The following THSD7A variants were observed in gnomAD, a reference collection of about 807,000 sequenced individuals.
THSD7A encodes the protein thrombospondin type-1 domain-containing protein 7A.
A neutral mutation model predicts 231.3 loss-of-function variants in THSD7A; 96 were observed. The ratio of observed to expected loss-of-function variants is 0.41; its 90% CI spans 0.35 to 0.49. The LOEUF (loss-of-function observed/expected upper bound fraction) is 0.49, where lower values mean the gene tolerates loss of function less well. Among genes scored for constraint, THSD7A ranks in the 20% least tolerant of loss-of-function variants. The pLI, the probability that THSD7A is intolerant of heterozygous loss-of-function variation, is 0.05. For synonymous variants in THSD7A, 940 were observed against 743.3 expected (o/e 1.26, Z -4.30); for missense variants, 2,290 against 2,070.2 (o/e 1.11, Z -2.06).
chr7:11,474,605 T>C lies in THSD7A; in HGVS notation c.2018-37A>G. The C allele has an allele frequency of 6.6e-7, 1 of 1,524,772 alleles. No individual in the cohort carries two copies. Among genetic ancestry groups the C allele is most frequent in the Admixed American group, 1.8e-5 (1 of 56,362 alleles). The allele number at this position is 1,524,772 out of a possible 1,614,324, so 94.5% of individuals were successfully genotyped here. A position where few individuals can be genotyped will look rare whatever the true frequency, so the allele number is the denominator to read the frequency against. On this transcript the variant is annotated intron_variant, in intron 7 of 27. Transcript: ENST00000423059. This position sits in a 1 kb window ranked among gnomAD's most constrained non-coding sequence, Gnocchi z 4.1. ...GACAATGATAGCAAATTAGATACGG[T>C]GCCAACAGGAACCTTACCATACTCT... is the stretch of plus-strand genomic sequence containing the variant.
chr7:11,384,670 C>G (rs1420892164), intron 23 of THSD7A: 3 of 151,964 alleles, frequency 2.0e-5, no homozygotes, highest in African/African-American at 7.2e-5. Context: ...CGTGGAGATT[C>G]TCTTTTCTAT....
intron 1 of THSD7A, among the ~76,000 whole-genome samples, chr7:11,818,978 G>A (rs1167482560): frequency 4.6e-5 from 7 of 151,962 alleles, no homozygotes; most frequent in Non-Finnish European, 8.8e-5. Context: ...TTTGAACTCC[G>A]CCAGCTAAGA....
intron 13 of THSD7A, among the ~76,000 whole-genome samples, chr7:11,432,853 A>G (rs1398469372): frequency 6.6e-6 from 1 of 151,954 alleles, no homozygotes; most frequent in Non-Finnish European, 1.5e-5. Flanking sequence ...GATAAATTGG[A>G]TGGTATGTAT....
At chr7:11,484,749 C>G (rs1453831122) in intron 6 of THSD7A, among the ~76,000 whole-genome samples, 1 of 151,904 alleles carries the variant, frequency 6.6e-6, no homozygotes, top group African/African-American at 2.4e-5. Flanking sequence ...CACAGTATTT[C>G]TTGTCATGCA....
intron 1 of THSD7A, among the ~76,000 whole-genome samples, chr7:11,741,761 T>C (rs918055522): frequency 2.0e-5 from 3 of 151,944 alleles, no homozygotes; most frequent in Non-Finnish European, 4.4e-5. Flanking sequence ...ACAAAGAATA[T>C]AGTTAATAAA....
At chr7:11,677,942 G>C (rs960294671) in intron 1 of THSD7A, among the ~76,000 whole-genome samples, 6 of 152,050 alleles carry the variant, frequency 3.9e-5, no homozygotes, top group Admixed American at 2.6e-4. Context: ...CACATAATTG[G>C]AAGTAAAACA....
At chr7:11,548,191 C>T (rs1228987128) in intron 4 of THSD7A, among the ~76,000 whole-genome samples, 9 of 152,040 alleles carry the variant, frequency 5.9e-5, no homozygotes, top group Non-Finnish European at 1.3e-4. Flanking sequence ...CCAGTGACCC[C>T]ACAGAAATAC....
chr7:11,674,382 G>A (rs529557604), intron 1 of THSD7A, among the ~76,000 whole-genome samples: 2 of 152,266 alleles, frequency 1.3e-5, no homozygotes, highest in African/African-American at 4.8e-5. Flanking sequence ...CTGAAGATGA[G>A]CATAAGCTTG....
chr7:11,466,373 T>C (rs1785705418), intron 9 of THSD7A, among the ~76,000 whole-genome samples: 5 of 152,146 alleles, frequency 3.3e-5, no homozygotes, highest in Admixed American at 2.6e-4. Flanking sequence ...AAAACTAACC[T>C]CATGCCATTT....
chr7:11,662,162 G>T (rs1421688763), intron 1 of THSD7A, among the ~76,000 whole-genome samples: 1 of 151,132 alleles, frequency 6.6e-6, no homozygotes, highest in Non-Finnish European at 1.5e-5. Context: ...AATATCCCAG[G>T]TGGTCAGATA....
chr7:11,498,106 G>A (rs1219938221), intron 6 of THSD7A, among the ~76,000 whole-genome samples: 1 of 152,170 alleles, frequency 6.6e-6, no homozygotes, highest in Non-Finnish European at 1.5e-5. Context: ...CTCCATCAAA[G>A]TGGGAGCTTA....
At chr7:11,654,861 A>G (rs190957487) in intron 1 of THSD7A, among the ~76,000 whole-genome samples, 1 of 152,048 alleles carries the variant, frequency 6.6e-6, no homozygotes, top group Admixed American at 6.6e-5. Flanking sequence ...TGGTTTACTG[A>G]GTAGTTGGTT....
At chr7:11,389,046 G>C (rs972273852) in intron 23 of THSD7A, among the ~76,000 whole-genome samples, 1 of 152,054 alleles carries the variant, frequency 6.6e-6, no homozygotes, top group Non-Finnish European at 1.5e-5. Flanking sequence ...ATTAGAATAA[G>C]TGTGATGTGG....
chr7:11,405,388 A>G (rs1254930503), intron 22 of THSD7A, among the ~76,000 whole-genome samples: 2 of 152,304 alleles, frequency 1.3e-5, no homozygotes, highest in Non-Finnish European at 2.9e-5. Flanking sequence ...TTCAAAAGAA[A>G]ATATTGTGAA....
chr7:11,467,398 G>A (rs1785754026), intron 9 of THSD7A, among the ~76,000 whole-genome samples: 1 of 152,074 alleles, frequency 6.6e-6, no homozygotes, highest in Non-Finnish European at 1.5e-5. Context: ...TATGTTAAAT[G>A]CAATTAAAAG....
At chr7:11,778,617 CAAAT>C (rs566210766) in intron 1 of THSD7A, among the ~76,000 whole-genome samples, 151 of 152,114 alleles carry the variant, frequency 9.9e-4, no homozygotes, top group African/African-American at 3.0e-3. Flanking sequence ...TTCTTATAAA[CAAAT>C]AAAACACTTT....
chr7:11,816,745 T>C (rs919926370), intron 1 of THSD7A, among the ~76,000 whole-genome samples: 1 of 152,098 alleles, frequency 6.6e-6, no homozygotes, highest in Non-Finnish European at 1.5e-5. Context: ...GAAAAAAGTG[T>C]ATAATTGCAC....
intron 17 of THSD7A, among the ~76,000 whole-genome samples, chr7:11,414,760 C>G (rs929709690): frequency 6.6e-6 from 1 of 152,192 alleles, no homozygotes; most frequent in Non-Finnish European, 1.5e-5. Context: ...CTTCCTCCTC[C>G]CCTGCTTCCG....
chr7:11,430,904 G>A (rs1459161779), intron 13 of THSD7A, among the ~76,000 whole-genome samples: 1 of 152,102 alleles, frequency 6.6e-6, no homozygotes, highest in Non-Finnish European at 1.5e-5. Flanking sequence ...TCAGTTAATG[G>A]ACATTTGAGT....
Sources: gnomAD v4.1 joint callset for allele counts (sites outside exome capture counted in the v4.1 genomes callset) on GRCh38, gnomAD v4.1.1 for gene constraint, Gnocchi (gnomAD v3.1) non-coding constraint, MANE v1.5 for transcripts, NCBI Gene and HGNC (gene_info 2026-07-23, HGNC 2026-07-21) for gene names.